NR6A1: variants seen among roughly 807,000 people sequenced by gnomAD.
NR6A1 encodes the protein nuclear receptor subfamily 6 group A member 1.
Under a neutral mutation model 59.1 loss-of-function variants are expected in NR6A1, and 7 were observed. That is an observed-to-expected ratio of 0.12 (90% CI 0.07 to 0.22). NR6A1 has a LOEUF of 0.22. Among genes scored for constraint, NR6A1 ranks in the 10% least tolerant of loss-of-function variants. The probability of loss-of-function intolerance (pLI) is 1.00; values close to 1 mark genes in which losing one functional copy is unlikely to be tolerated. For missense variants in NR6A1, 468 were observed against 611.6 expected, an observed-to-expected ratio of 0.77 and a Z score of 2.48; for synonymous variants, 243 against 236.1, an observed-to-expected ratio of 1.03 and a Z score of -0.27.
At chr9:124,679,707 T>C (rs1009301846) in intron 2 of NR6A1, among the ~76,000 whole-genome samples, 6 of 151,266 alleles carry the variant, frequency 4.0e-5, no homozygotes, top group Non-Finnish European at 7.4e-5. Flanking sequence ...CTGGCCAACA[T>C]GGTAAAACCC....
chr9:124,526,328 C>A (rs919707470), intron 8 of NR6A1, among the ~76,000 whole-genome samples: 11 of 151,708 alleles, frequency 7.3e-5, no homozygotes, highest in African/African-American at 2.4e-4. Flanking sequence ...TTGTGCACCC[C>A]TGCTCTGCCC....
rs112126843 is a variant in NR6A1 at position 124,528,990 on chromosome 9, G to A, written c.1080-2090C>T. 3.8e-3 allele frequency among the ~76,000 whole-genome samples: 574 copies of A among 152,300 alleles called. 3 individuals carry two copies. Among genetic ancestry groups the A allele is most frequent in the Admixed American group, 4.7e-3 (72 of 15,300 alleles). On this transcript the variant is annotated intron_variant, in intron 7 of 9. Transcript: ENST00000487099. ...GGGGGTCCTGGAAGCAATCCTCCACGGATACTGGAGATGACTGCACATGCA... is the reference window on the plus strand; with the variant it reads ...GGGGGTCCTGGAAGCAATCCTCCACAGATACTGGAGATGACTGCACATGCA...
At chr9:124,770,939 G>T in intron 1 of NR6A1, 81 bp downstream of exon 1, 2 of 813,620 alleles carry the variant, frequency 2.5e-6, no homozygotes, top group Non-Finnish European at 1.6e-6. Flanking sequence ...GGCGAGGGTC[G>T]GCAGAGAGGA....
intron 2 of NR6A1, among the ~76,000 whole-genome samples, chr9:124,613,926 G>A (rs1176167180): frequency 6.6e-6 from 1 of 152,186 alleles, no homozygotes; most frequent in East Asian, 1.9e-4. Flanking sequence ...CCTGGCTGGG[G>A]CAACTACAGA....
chr9:124,525,418 GCA>G (rs1238650829), intron 8 of NR6A1, among the ~76,000 whole-genome samples: 1 of 151,938 alleles, frequency 6.6e-6, no homozygotes, highest in African/African-American at 2.4e-5. Flanking sequence ...AGGCTGGAGT[GCA>G]GTGGTGTGAT....
At chr9:124,532,660 A>G (rs374585195) in intron 7 of NR6A1, among the ~76,000 whole-genome samples, 3 of 152,328 alleles carry the variant, frequency 2.0e-5, no homozygotes, top group African/African-American at 7.2e-5. Flanking sequence ...AGTCCTAACA[A>G]CAAATCCATT....
chr9:124,721,707 G>A (rs1839570740), intron 2 of NR6A1, among the ~76,000 whole-genome samples: 1 of 152,056 alleles, frequency 6.6e-6, no homozygotes. Flanking sequence ...ACGCAGAAGA[G>A]GCCCAGATGA....
chr9:124,571,741 T>C (rs1300967597), intron 2 of NR6A1, among the ~76,000 whole-genome samples: 1 of 152,148 alleles, frequency 6.6e-6, no homozygotes, highest in African/African-American at 2.4e-5. Flanking sequence ...AGAGGTACTA[T>C]GCTTCATGGC....
intron 1 of NR6A1, among the ~76,000 whole-genome samples, chr9:124,745,562 T>C (rs1405927370): frequency 2.6e-5 from 4 of 151,264 alleles, no homozygotes; most frequent in East Asian, 3.9e-4. Context: ...TCCCAGCTAC[T>C]TGGGAGGCTG....
chr9:124,635,983 T>C (rs1351116634), intron 2 of NR6A1, among the ~76,000 whole-genome samples: 2 of 152,242 alleles, frequency 1.3e-5, no homozygotes, highest in Non-Finnish European at 2.9e-5. Flanking sequence ...CAGCAATGAA[T>C]AAAAGTTCTT....
chr9:124,703,144 A>G (rs1252800240), intron 2 of NR6A1, among the ~76,000 whole-genome samples: 1 of 150,952 alleles, frequency 6.6e-6, no homozygotes, highest in Non-Finnish European at 1.5e-5. Flanking sequence ...ACCTCAACTG[A>G]TCTGCCCACC....
intron 1 of NR6A1, among the ~76,000 whole-genome samples, chr9:124,739,255 T>C (rs1371012791): frequency 6.6e-6 from 1 of 151,856 alleles, no homozygotes; most frequent in Non-Finnish European, 1.5e-5. Flanking sequence ...AAATCCCAGA[T>C]TTGCTATTAT....
chr9:124,765,181 A>G (rs921840273), intron 1 of NR6A1, among the ~76,000 whole-genome samples: 3 of 152,176 alleles, frequency 2.0e-5, no homozygotes, highest in Non-Finnish European at 2.9e-5. Context: ...TGTATTTGAG[A>G]TTATATAATG....
At position 124,585,558 on chromosome 9, in the gene NR6A1, A is replaced by AGG. The variant is rs1159676111; in HGVS notation, c.143-30990_143-30989dup. ...GACTCCATCTCAAAAAAAAAAAAAA[A>AGG]GGGGGGGGGGGGCAAGGTGAAGCAG... On this transcript the variant is annotated intron_variant, in intron 2 of 9. Transcript: ENST00000487099. Among the ~76,000 whole-genome samples the AGG allele has an allele frequency of 7.4e-3, 203 of 27,554 alleles. 3 individuals carry two copies. Among genetic ancestry groups the AGG allele is most frequent in the East Asian group, 9.7e-3 (8 of 826 alleles). The allele number at this position is 27,554 out of a possible 152,430, so 18.1% of individuals were successfully genotyped here.
chr9:124,691,308 T>A (rs1838537049), intron 2 of NR6A1, among the ~76,000 whole-genome samples: 1 of 152,188 alleles, frequency 6.6e-6, no homozygotes, highest in Non-Finnish European at 1.5e-5. Context: ...ATCTCAGTGG[T>A]TGATATTTTT....
At chr9:124,598,839 T>C in intron 2 of NR6A1, 2 of 741,006 alleles carry the variant, frequency 2.7e-6, no homozygotes, top group Non-Finnish European at 4.9e-6. Flanking sequence ...CCAATCTCTT[T>C]ACTGCATTCT....
chr9:124,640,536 G>A (rs1836741012), intron 2 of NR6A1, among the ~76,000 whole-genome samples: 1 of 151,952 alleles, frequency 6.6e-6, no homozygotes, highest in Admixed American at 6.6e-5. Flanking sequence ...AGTGGCTAGG[G>A]CTACAGGAGT....
At chr9:124,655,199 A>G (rs914073549) in intron 2 of NR6A1, among the ~76,000 whole-genome samples, 3 of 152,152 alleles carry the variant, frequency 2.0e-5, no homozygotes, top group African/African-American at 7.2e-5. Context: ...CCGATGCCTG[A>G]GCTAAATTTC....
chr9:124,703,200 C>T (rs973048017), intron 2 of NR6A1, among the ~76,000 whole-genome samples: 39 of 148,432 alleles, frequency 2.6e-4, no homozygotes, highest in Non-Finnish European at 2.5e-4. Flanking sequence ...CCACCACACA[C>T]GGCCACATTT....
Sources: allele counts gnomAD v4.1 joint callset (sites outside exome capture counted in the v4.1 genomes callset), GRCh38; gene constraint gnomAD v4.1.1; transcripts MANE v1.5; gene names NCBI Gene and HGNC (gene_info 2026-07-23, HGNC 2026-07-21).